Variants in GFOD1 observed in about 807,000 individuals in gnomAD.
The protein encoded by GFOD1 is Gfo/Idh/MocA-like oxidoreductase domain containing 1.
Under a neutral mutation model 25.4 loss-of-function variants are expected in GFOD1, and 9 were observed. The ratio of observed to expected loss-of-function variants is 0.35; its 90% CI spans 0.21 to 0.62. GFOD1 has a LOEUF of 0.62. Among genes scored for constraint, GFOD1 ranks in the 20% least tolerant of loss-of-function variants. The pLI, the probability that GFOD1 is intolerant of heterozygous loss-of-function variation, is 0.72. For missense variants in GFOD1, 403 were observed against 556.9 expected (o/e 0.72, Z 2.78); for synonymous variants, 253 against 245.6 (o/e 1.03, Z -0.28).
At chr6:13,465,608 C>T (rs1191386578) in intron 1 of GFOD1, among the ~76,000 whole-genome samples, 2 of 152,186 alleles carry the variant, frequency 1.3e-5, no homozygotes, top group Non-Finnish European at 2.9e-5. Context: ...GCTGATGTAA[C>T]CGGTCTGGGG....
At chr6:13,372,312 T>C (rs1785168976) in intron 1 of GFOD1, among the ~76,000 whole-genome samples, 2 of 152,180 alleles carry the variant, frequency 1.3e-5, no homozygotes, top group South Asian at 4.1e-4. Context: ...CTGAGATCCC[T>C]CATGGGGAAA....
At chr6:13,461,926 T>G (rs544169402) in intron 1 of GFOD1, among the ~76,000 whole-genome samples, 2 of 152,296 alleles carry the variant, frequency 1.3e-5, no homozygotes, top group Non-Finnish European at 2.9e-5. Flanking sequence ...ACCAATGCCC[T>G]GGGGCAGAGC....
chr6:13,438,498 CT>C (rs2127571572), intron 1 of GFOD1, among the ~76,000 whole-genome samples: 1 of 152,168 alleles, frequency 6.6e-6, no homozygotes, highest in African/African-American at 2.4e-5. Flanking sequence ...AAAATTATAC[CT>C]TCTCAAAAAT....
intron 1 of GFOD1, among the ~76,000 whole-genome samples, chr6:13,385,324 C>A (rs533276689): frequency 6.6e-6 from 1 of 152,308 alleles, no homozygotes; most frequent in African/African-American, 2.4e-5. Context: ...TCCTACTAAA[C>A]TGCAAGATGA....
At chr6:13,384,403 A>G (rs1405552772) in intron 1 of GFOD1, among the ~76,000 whole-genome samples, 1 of 152,232 alleles carries the variant, frequency 6.6e-6, no homozygotes, top group Admixed American at 6.5e-5. Flanking sequence ...AGCACCATCA[A>G]GAAAATTGCT....
At chr6:13,425,325 G>A (rs769400629) in intron 1 of GFOD1, among the ~76,000 whole-genome samples, 1 of 152,062 alleles carries the variant, frequency 6.6e-6, no homozygotes, top group Non-Finnish European at 1.5e-5. Flanking sequence ...TTTTAAAGAT[G>A]AGAAAACTGA....
intron 1 of GFOD1, among the ~76,000 whole-genome samples, chr6:13,392,022 T>C (rs1302327271): frequency 6.6e-6 from 1 of 152,180 alleles, no homozygotes; most frequent in Admixed American, 6.5e-5. Flanking sequence ...GACCAGGGAC[T>C]ACTCTGGTAG....
At chr6:13,462,644 C>G (rs539853294) in intron 1 of GFOD1, among the ~76,000 whole-genome samples, 2 of 152,314 alleles carry the variant, frequency 1.3e-5, no homozygotes, top group Admixed American at 1.3e-4. Context: ...ACCCCTCCCC[C>G]ATCATTTCCT....
intron 1 of GFOD1, among the ~76,000 whole-genome samples, chr6:13,443,274 G>T (rs1757945503): frequency 6.6e-6 from 1 of 152,206 alleles, no homozygotes; most frequent in South Asian, 2.1e-4. Flanking sequence ...AAAGAAAGTG[G>T]TTTCTTGAGA....
intron 1 of GFOD1, among the ~76,000 whole-genome samples, chr6:13,455,702 A>G (rs1225661295): frequency 6.6e-6 from 1 of 152,164 alleles, no homozygotes; most frequent in Admixed American, 6.5e-5. Flanking sequence ...AAGCACAGAC[A>G]CCCACACAAA....
At chr6:13,423,468 A>G (rs1481752528) in intron 1 of GFOD1, among the ~76,000 whole-genome samples, 2 of 152,188 alleles carry the variant, frequency 1.3e-5, no homozygotes, top group African/African-American at 4.8e-5. Flanking sequence ...AAACTCATGC[A>G]CCATGACACA....
chr6:13,461,507 C>T (rs918277555), intron 1 of GFOD1, among the ~76,000 whole-genome samples: 2 of 152,170 alleles, frequency 1.3e-5, no homozygotes, highest in Admixed American at 1.3e-4. Context: ...TGGCTGAGCC[C>T]AAGCTGCCGG....
At chr6:13,475,649 C>T (rs1046898810) in intron 1 of GFOD1, among the ~76,000 whole-genome samples, 3 of 150,846 alleles carry the variant, frequency 2.0e-5, no homozygotes, top group Non-Finnish European at 4.4e-5. Flanking sequence ...ACCCTGAAGG[C>T]GGCAGCTGGA....
intron 1 of GFOD1, among the ~76,000 whole-genome samples, chr6:13,369,248 G>C (rs821277): frequency 0.43 from 65,080 of 152,146 alleles, 16,786 homozygotes; most frequent in East Asian, 0.67. Flanking sequence ...CTTTACAGAT[G>C]GGTCTCGGCA....
chr6:13,461,625 G>C (rs553997068), intron 1 of GFOD1, among the ~76,000 whole-genome samples: 1 of 152,304 alleles, frequency 6.6e-6, no homozygotes, highest in Admixed American at 6.5e-5. Flanking sequence ...GCTGTCTGCT[G>C]TCAGCTGCAT....
intron 1 of GFOD1, among the ~76,000 whole-genome samples, chr6:13,383,131 T>C (rs1156909087): frequency 6.6e-6 from 1 of 152,232 alleles, no homozygotes; most frequent in Non-Finnish European, 1.5e-5. Context: ...AATGAACATA[T>C]GCATGCATGT....
intron 1 of GFOD1, among the ~76,000 whole-genome samples, chr6:13,393,244 T>A (rs1241134810): frequency 1.3e-5 from 2 of 151,448 alleles, no homozygotes; most frequent in Non-Finnish European, 2.9e-5. Context: ...TAATCCCAGC[T>A]ACTCAGGAGG....
In GFOD1 at chr6:13,486,955, A is replaced by T; in HGVS notation, c.-65T>A. The T allele has an allele frequency of 6.5e-7, 1 of 1,546,498 alleles. No homozygotes were observed. Among genetic ancestry groups the T allele is most frequent in the South Asian group, 1.2e-5 (1 of 83,040 alleles). On this transcript the variant is annotated 5_prime_UTR_variant, in exon 1 of 2. Transcript: ENST00000379287. ...TCCAGTCCAACGCGCGCACACACCC[A>T]CCTCTAGCCAGTCCTGCACCCCGCT...
chr6:13,378,345 G>A (rs554005186), intron 1 of GFOD1, among the ~76,000 whole-genome samples: 54 of 152,298 alleles, frequency 3.5e-4, no homozygotes, highest in Non-Finnish European at 6.8e-4. Flanking sequence ...CTCAGGCTCC[G>A]CCCCCAGCAG....
Sources: allele counts gnomAD v4.1 joint callset (sites outside exome capture counted in the v4.1 genomes callset), GRCh38; gene constraint gnomAD v4.1.1; transcripts MANE v1.5; gene names NCBI Gene and HGNC (gene_info 2026-07-23, HGNC 2026-07-21).